The following TRIM43B variants were observed in gnomAD, a reference collection of about 807,000 sequenced individuals.
TRIM43B encodes tripartite motif-containing protein 43B.
TRIM43B carries 15 observed loss-of-function variants against 27.0 expected under a neutral mutation model. That is an observed-to-expected ratio of 0.55 (90% CI 0.37 to 0.85). The LOEUF is 0.85. Ranked by LOEUF, TRIM43B falls within the 40% of genes least tolerant of loss-of-function variation. The pLI is 0.00. For missense variants in TRIM43B, 172 were observed against 289.8 expected (o/e 0.59, Z 2.95); for synonymous variants, 69 against 97.8 (o/e 0.71, Z 1.74).
intron 3 of TRIM43B, 86 bp downstream of exon 3, chr2:95,481,509 G>C: frequency 2.0e-6 from 2 of 1,023,624 alleles, no homozygotes; most frequent in Non-Finnish European, 2.8e-6. Context: ...TCTGGCATAT[G>C]AGAATTTCAA....
At chr2:95,481,110 C>T (rs1683513471) in intron 3 of TRIM43B, among the ~76,000 whole-genome samples, 2 of 151,896 alleles carry the variant, frequency 1.3e-5, no homozygotes, top group African/African-American at 4.8e-5. Context: ...CTCACTGCCC[C>T]AGTCATTTTT....
rs574033928 is a variant in TRIM43B, at chr2:95,480,908, T to C, written c.508-373A>G. ...TAGAAATGTTTTTAGTATATTATAA[T>C]CAGGATCAGAAGCCATCACACAAAA... On this transcript the variant is annotated intron_variant, in intron 3 of 6. Coordinates refer to ENST00000639673, the Ensembl canonical transcript of TRIM43B. 6.8e-4 allele frequency among the ~76,000 whole-genome samples: 104 copies of C among 152,074 alleles called. 1 individual carries two copies. In the East Asian group the frequency reaches 0.019, roughly 28 times the overall value.
chr2:95,480,265 G>T (rs1376326129), intron 4 of TRIM43B, 40 bp downstream of exon 4: 2 of 1,542,826 alleles, frequency 1.3e-6, no homozygotes, highest in Admixed American at 2.0e-5. Context: ...GTAAAGGTCA[G>T]CTAACACAAA....
At chr2:95,480,260 G>A (rs1683496721) in intron 4 of TRIM43B, 45 bp downstream of exon 4, 1 of 1,531,732 alleles carries the variant, frequency 6.5e-7, no homozygotes, top group South Asian at 1.3e-5. Flanking sequence ...AAGATGTAAA[G>A]GTCAGCTAAC....
chr2:95,482,263 C>A, intron 2 of TRIM43B, 41 bp downstream of exon 2: 1 of 1,587,322 alleles, frequency 6.3e-7, no homozygotes, highest in South Asian at 1.1e-5. Flanking sequence ...TTTAACTCTG[C>A]CACCCTCCAG....
rs537302050 is a variant in TRIM43B at position 95,480,710 on chromosome 2, CA to C, written c.508-176del. ...TAATTCATCAATTCCCAAACACCTGCAAAAAAGCCCTTTAGGTTTAAATGTT... is the reference window on the plus strand; with the variant it reads ...TAATTCATCAATTCCCAAACACCTGCAAAAAGCCCTTTAGGTTTAAATGTT... On this transcript the variant is annotated intron_variant, in intron 3 of 6. Transcript: ENST00000639673. Among the ~76,000 whole-genome samples the C allele has an allele frequency of 1.4e-4, 22 of 151,750 alleles. No homozygotes were observed. The South Asian group carries it at 4.4e-3, about 30-fold the overall frequency.
Position 95,480,297 on chromosome 2 carries a change from A to G in TRIM43B, c.738+8T>C. Reference sequence around the variant, plus strand: ...CAAAGTGTCTCAAGGGGCATCCTCCATTCTTACCTGGAGCAGCTCCACCTC... The same window carrying G: ...CAAAGTGTCTCAAGGGGCATCCTCCGTTCTTACCTGGAGCAGCTCCACCTC... On this transcript the variant is annotated splice_region_variant and intron_variant, in intron 4 of 6. Transcript: ENST00000639673. The G allele has an allele frequency of 6.3e-7, 1 of 1,597,452 alleles. No homozygotes were observed. Among genetic ancestry groups the G allele is most frequent in the Non-Finnish European group, 8.5e-7 (1 of 1,172,014 alleles).
chr2:95,480,364 T>A lies in TRIM43B; in HGVS notation c.679A>T (p.Lys227Ter), dbSNP rs543584416. The change falls in exon 4 of 7, where the codon AAA becomes TAA. Residue 227 changes from lysine to a stop codon, truncating the protein, a stop_gained. Coordinates refer to ENST00000639673, the Ensembl canonical transcript of TRIM43B. LOFTEE classifies it high-confidence loss of function. ...TCCATTAGTTCCTGATACATTTCTT[T>A]CAAGTGTTTACTCTTTTGATCCATT... The A allele has an allele frequency of 3.5e-5, 56 of 1,610,064 alleles. No homozygotes were observed. The African/African-American group carries it at 7.2e-4, about 21-fold the overall frequency.
At chr2:95,481,611 GTTC>G (rs780602548) in exon 3 of TRIM43B, 16 of 1,612,204 alleles carry the variant, frequency 9.9e-6, no homozygotes, top group South Asian at 5.5e-5. Context: ...GAGGAAGGCT[GTTC>G]TTCTCTCCTC....
At position 95,483,700 on chromosome 2, in the gene TRIM43B, C is replaced by G. The variant is rs373505995; in HGVS notation, c.-5+906G>C. Among the ~76,000 whole-genome samples the G allele has an allele frequency of 9.9e-5, 15 of 151,916 alleles. No individual in the cohort carries two copies. In the East Asian group the frequency reaches 1.8e-3, roughly 18 times the overall value. ...AAAATTAGCCGGGAGTGGTGGAGGA[C>G]GCCTGTAGTCCCAGCTACTCTGGAG... On this transcript the variant is annotated intron_variant, in intron 1 of 6. Coordinates refer to ENST00000639673, the Ensembl canonical transcript of TRIM43B.
chr2:95,483,919 T>A (rs1051834569), intron 1 of TRIM43B, among the ~76,000 whole-genome samples: 17 of 151,392 alleles, frequency 1.1e-4, no homozygotes, highest in African/African-American at 1.9e-4. Flanking sequence ...AAATAAAAAT[T>A]AAAACCAAGC....
At chr2:95,481,845 G>A (rs1360346104) in intron 2 of TRIM43B, among the ~76,000 whole-genome samples, 155 bp from the exon 3 acceptor site, 1 of 151,928 alleles carries the variant, frequency 6.6e-6, no homozygotes, top group Non-Finnish European at 1.5e-5. Flanking sequence ...ATATTTTTCA[G>A]TTTGAGGTTT....
intron 3 of TRIM43B, among the ~76,000 whole-genome samples, chr2:95,481,307 T>G (rs1683517742): frequency 6.6e-6 from 1 of 152,154 alleles, no homozygotes; most frequent in African/African-American, 2.4e-5. Context: ...TTATATACTA[T>G]TTAATCAATA....
intron 1 of TRIM43B, among the ~76,000 whole-genome samples, chr2:95,483,039 C>CA (rs1391395023): frequency 6.6e-6 from 1 of 152,052 alleles, no homozygotes; most frequent in South Asian, 2.1e-4. Flanking sequence ...CCTGTAAACT[C>CA]AAAGTTTGAG....
rs1022771752 is a variant in TRIM43B, at chr2:95,481,466, G to C, written c.507+129C>G. The stretch of plus-strand genomic sequence containing the variant: ...AATCGTTATGTTGAACAGTCTGGTT[G>C]TTTTCCAGCCTATGAATAAACACAT... On this transcript the variant is annotated intron_variant, in intron 3 of 6. Coordinates refer to ENST00000639673, the Ensembl canonical transcript of TRIM43B. 3 of 693,386 alleles carry C rather than the reference G, an allele frequency of 4.3e-6. No homozygotes were observed. In the African/African-American group the frequency reaches 5.5e-5, roughly 13 times the overall value. The allele number at this position is 693,386 out of a possible 1,614,324, so 43.0% of individuals were successfully genotyped here. A position where few individuals can be genotyped will look rare whatever the true frequency, so the allele number is the denominator to read the frequency against.
intron 3 of TRIM43B, 126 bp from the exon 4 acceptor site, chr2:95,480,661 C>T: frequency 1.5e-6 from 1 of 682,950 alleles, no homozygotes; most frequent in Middle Eastern, 4.2e-4. Context: ...ATGAGTTAAG[C>T]AAGACCTTCC....
chr2:95,481,886 A>G (rs1683533655), intron 2 of TRIM43B, among the ~76,000 whole-genome samples, 196 bp from the exon 3 acceptor site: 2 of 152,040 alleles, frequency 1.3e-5, no homozygotes, highest in Admixed American at 1.3e-4. Flanking sequence ...GGAACTGAAG[A>G]GTGAAGATTT....
intron 1 of TRIM43B, among the ~76,000 whole-genome samples, chr2:95,483,224 C>T (rs1425084468): frequency 6.6e-6 from 1 of 152,018 alleles, no homozygotes; most frequent in East Asian, 1.9e-4. Context: ...ATACTTTGAC[C>T]CAAATCAGAA....
At chr2:95,483,833 C>CAAAACA (rs981802888) in intron 1 of TRIM43B, among the ~76,000 whole-genome samples, 3 of 151,312 alleles carry the variant, frequency 2.0e-5, no homozygotes, top group Non-Finnish European at 2.9e-5. Context: ...GTCTCCCCCC[C>CAAAACA]AAAACAAAAA....
Sources: gnomAD v4.1 joint callset for allele counts (sites outside exome capture counted in the v4.1 genomes callset) on GRCh38, gnomAD v4.1.1 for gene constraint, MANE v1.5 for transcripts, NCBI Gene and HGNC (gene_info 2026-07-23, HGNC 2026-07-21) for gene names.